PARP15: variants seen among roughly 807,000 people sequenced by gnomAD.
PARP15 encodes the protein protein mono-ADP-ribosyltransferase PARP15.
In PARP15, 50 loss-of-function variants were observed where a neutral mutation model predicts 62.1. That is an observed-to-expected ratio of 0.81 (90% CI 0.64 to 1.02). The LOEUF is 1.02. Ranked by LOEUF, PARP15 falls within the 50% of genes least tolerant of loss-of-function variation. The pLI, the probability that PARP15 is intolerant of heterozygous loss-of-function variation, is 0.00. For synonymous variants in PARP15, 309 were observed against 293.1 expected, an observed-to-expected ratio of 1.05 and a Z score of -0.55; for missense variants, 820 against 826.5, an observed-to-expected ratio of 0.99 and a Z score of 0.10.
intron 4 of PARP15, chr3:122,615,295 G>A: frequency 1.6e-6 from 2 of 1,289,664 alleles, no homozygotes; most frequent in Non-Finnish European, 2.0e-6. Context: ...GGAGGCTTTG[G>A]CTGGACCTAA....
rs1937326214 is a variant in PARP15 at position 122,635,792 on chromosome 3, TTTG to T, written c.1748-17_1748-15del. 6.3e-7 allele frequency: 1 copy of T among 1,599,074 alleles called. No homozygotes were observed. The highest frequency in any genetic ancestry group is 1.3e-5 in the African/African-American group (1 of 74,234). ...GTAATTTTATATTCTTAGGAAGGTT[TTTG>T]TCTTTCTCTTTCCAGCTGTATCCTA... is the stretch of plus-strand genomic sequence containing the variant. On this transcript the variant is annotated splice_polypyrimidine_tract_variant and intron_variant, in intron 11 of 11. Transcript: ENST00000464300.
chr3:122,624,479 T>C (rs1374281952), intron 8 of PARP15, among the ~76,000 whole-genome samples: 10 of 152,190 alleles, frequency 6.6e-5, no homozygotes, highest in Admixed American at 5.9e-4. Flanking sequence ...ACCTGTGACA[T>C]GGAAACTATT....
At chr3:122,622,000 T>C (rs1302118386) in intron 8 of PARP15, among the ~76,000 whole-genome samples, 1 of 152,200 alleles carries the variant, frequency 6.6e-6, no homozygotes, top group Non-Finnish European at 1.5e-5. Context: ...CGTTTCCCCA[T>C]GTTGCCCACG....
At chr3:122,579,635 T>G (rs1331422025) in intron 1 of PARP15, among the ~76,000 whole-genome samples, 1 of 152,086 alleles carries the variant, frequency 6.6e-6, no homozygotes, top group Non-Finnish European at 1.5e-5. Flanking sequence ...AATAGTTAAA[T>G]TTCATTGTGG....
intron 1 of PARP15, among the ~76,000 whole-genome samples, chr3:122,586,565 C>T (rs1559924677): frequency 6.6e-6 from 1 of 152,142 alleles, no homozygotes; most frequent in Non-Finnish European, 1.5e-5. Flanking sequence ...TATTGTGGTT[C>T]TTATATTATC....
At chr3:122,601,036 G>GTTTTTTTTTTTTTTTTTTTTTTGT (rs1934750986) in intron 1 of PARP15, among the ~76,000 whole-genome samples, 1 of 73,036 alleles carries the variant, frequency 1.4e-5, no homozygotes, top group Non-Finnish European at 2.4e-5. Context: ...GTCTTTTATG[G>GTTTTTTTTTTTTTTTTTTTTTTGT]TTTTTTTTTT....
At chr3:122,634,874 T>A in intron 10 of PARP15, 146 bp from the exon 11 acceptor site, 1 of 766,946 alleles carries the variant, frequency 1.3e-6, no homozygotes, top group Non-Finnish European at 2.1e-6. Flanking sequence ...GAATTTGCTG[T>A]CTATTTGTAT....
chr3:122,618,660 T>C (rs771625505), intron 6 of PARP15, among the ~76,000 whole-genome samples: 4 of 152,038 alleles, frequency 2.6e-5, no homozygotes, highest in Non-Finnish European at 5.9e-5. Flanking sequence ...AGATGGGAGG[T>C]TTATTCTCTA....
At position 122,613,316 on chromosome 3, in the gene PARP15, C is replaced by T. The variant is rs142320919; in HGVS notation, c.771+48C>T. On this transcript the variant is annotated intron_variant, in intron 4 of 11. Coordinates refer to ENST00000464300, the MANE Select transcript of PARP15 (RefSeq NM_001113523.3). ...GTTAATTCTGGCAAGTGAACCCAAGCGCATTCAGATGTTTTTATAGATCTA... is the reference window on the plus strand; with the variant it reads ...GTTAATTCTGGCAAGTGAACCCAAGTGCATTCAGATGTTTTTATAGATCTA... 3.4e-5 allele frequency: 48 copies of T among 1,409,854 alleles called. No homozygotes were observed. In the African/African-American group the frequency reaches 3.9e-4, roughly 11 times the overall value. 87.3% of individuals were successfully genotyped at this position (1,409,854 alleles called of 1,614,324 possible).
intron 1 of PARP15, among the ~76,000 whole-genome samples, chr3:122,605,701 G>A (rs1010838779): frequency 6.6e-6 from 1 of 152,100 alleles, no homozygotes; most frequent in Admixed American, 6.6e-5. Flanking sequence ...AGCCTCCTAA[G>A]TAGTGGGCAC....
rs910258474 is a variant in PARP15, at chr3:122,636,267, C to CT, written c.*174dup. On this transcript the variant is annotated 3_prime_UTR_variant, in exon 12 of 12. Transcript: ENST00000464300. ...TCTATTGCTGCGATTTGTAGCATAC[C>CT]TTTTTTTCTCAGCAAATTGATGGGT... 1.5e-4 allele frequency: 99 copies of CT among 650,242 alleles called. No individual in the cohort carries two copies. In the African/African-American group the frequency reaches 1.6e-3, roughly 11 times the overall value. 40.3% of individuals were successfully genotyped at this position (650,242 alleles called of 1,614,324 possible). A position where few individuals can be genotyped will look rare whatever the true frequency, so the allele number is the denominator to read the frequency against.
chr3:122,613,288 C>T lies in PARP15; in HGVS notation c.771+20C>T. The T allele has an allele frequency of 6.6e-7, 1 of 1,506,078 alleles. No homozygotes were observed. The highest frequency in any genetic ancestry group is 9.0e-7 in the Non-Finnish European group (1 of 1,105,424). The allele number at this position is 1,506,078 out of a possible 1,614,324, so 93.3% of individuals were successfully genotyped here. A position where few individuals can be genotyped will look rare whatever the true frequency, so the allele number is the denominator to read the frequency against. On this transcript the variant is annotated intron_variant, in intron 4 of 11. Transcript: ENST00000464300. ...TGTCAGGTATGGTTACATATCCCAT[C>T]TGGTTAATTCTGGCAAGTGAACCCA...
chr3:122,598,502 A>T (rs142009419), intron 1 of PARP15, among the ~76,000 whole-genome samples: 1 of 151,044 alleles, frequency 6.6e-6, no homozygotes, highest in East Asian at 1.9e-4. Flanking sequence ...GCCTCTCCAT[A>T]GGGCTGTTCA....
chr3:122,615,320 T>C (rs1316734749), intron 4 of PARP15: 5 of 1,290,718 alleles, frequency 3.9e-6, no homozygotes, highest in East Asian at 1.1e-4. Flanking sequence ...TGAAGCATAC[T>C]GTATGTATTT....
chr3:122,610,422 T>A (rs1256737211), intron 2 of PARP15, 72 bp from the exon 3 acceptor site: 8 of 1,327,612 alleles, frequency 6.0e-6, no homozygotes, highest in Non-Finnish European at 8.3e-6. Flanking sequence ...CCCACAATAC[T>A]TAGTAAATTT....
intron 1 of PARP15, among the ~76,000 whole-genome samples, chr3:122,586,386 C>T (rs4678199): frequency 0.37 from 56,425 of 151,748 alleles, 10,907 homozygotes; most frequent in Admixed American, 0.46. Context: ...TTTTGAAAAG[C>T]TTTTTTATAG....
At chr3:122,624,641 T>C (rs1218653848) in intron 8 of PARP15, among the ~76,000 whole-genome samples, 2 of 152,182 alleles carry the variant, frequency 1.3e-5, no homozygotes, top group Non-Finnish European at 2.9e-5. Context: ...ATTTTAACCA[T>C]CATGAATTAA....
intron 2 of PARP15, among the ~76,000 whole-genome samples, chr3:122,608,699 A>G (rs1935347869): frequency 6.6e-6 from 1 of 151,734 alleles, no homozygotes; most frequent in Non-Finnish European, 1.5e-5. Flanking sequence ...ATCTATACCA[A>G]CTAATATTTG....
chr3:122,578,708 T>C (rs369412856), intron 1 of PARP15, among the ~76,000 whole-genome samples: 11 of 152,176 alleles, frequency 7.2e-5, no homozygotes, highest in East Asian at 3.9e-4. Context: ...TTTTTCCTTA[T>C]GAACTTTTCT....
Sources: allele counts gnomAD v4.1 joint callset (sites outside exome capture counted in the v4.1 genomes callset), GRCh38; gene constraint gnomAD v4.1.1; transcripts MANE v1.5; gene names NCBI Gene and HGNC (gene_info 2026-07-23, HGNC 2026-07-21).